Variants in GALNT17 observed in about 807,000 individuals in gnomAD.
GALNT17 encodes the protein UDP-GalNAc:polypeptide N-acetylgalactosaminyltransferase-like 3.
GALNT17 carries 29 observed loss-of-function variants against 63.7 expected under a neutral mutation model. That is an observed-to-expected ratio of 0.46 (90% CI 0.34 to 0.62). The LOEUF is 0.62. GALNT17 is among the 20% of genes least tolerant of loss of function. The pLI is 0.01. For synonymous variants in GALNT17, 305 were observed against 318.3 expected (o/e 0.96, Z 0.45); for missense variants, 603 against 799.6 (o/e 0.75, Z 2.97).
chr7:71,692,750 T>A (rs28658376), intron 9 of GALNT17, among the ~76,000 whole-genome samples: 1 of 140,464 alleles, frequency 7.1e-6, no homozygotes, highest in Non-Finnish European at 1.6e-5. Context: ...TTTTTTTTTT[T>A]ATTTTTGAGA....
rs868510331 is a variant in GALNT17, at chr7:71,288,246, G to A, written c.239-47304G>A. ...AAAAAAAAAAAAAAAAAATCCAAAC[G>A]AAGAGAAAATCCATGTGCTGTTCAT... On this transcript the variant is annotated intron_variant, in intron 1 of 10. Coordinates refer to ENST00000333538, the MANE Select transcript of GALNT17 (RefSeq NM_022479.3). 1.0e-3 allele frequency among the ~76,000 whole-genome samples: 150 copies of A among 143,902 alleles called. 1 individual carries two copies. The Middle Eastern group carries it at 0.011, about 11-fold the overall frequency. The allele number at this position is 143,902 out of a possible 152,430, so 94.4% of individuals were successfully genotyped here.
chr7:71,415,455 T>C (rs1190924255), intron 3 of GALNT17, among the ~76,000 whole-genome samples: 1 of 152,158 alleles, frequency 6.6e-6, no homozygotes, highest in Non-Finnish European at 1.5e-5. Context: ...GTAGCATTTC[T>C]ACTACTGAGC....
intron 1 of GALNT17, among the ~76,000 whole-genome samples, chr7:71,148,639 T>C (rs1269445958): frequency 6.6e-6 from 1 of 152,064 alleles, no homozygotes. Context: ...TTCAATTAAC[T>C]AGAATACTGA....
intron 1 of GALNT17, among the ~76,000 whole-genome samples, chr7:71,245,385 A>C (rs1275063287): frequency 1.3e-5 from 2 of 152,188 alleles, no homozygotes; most frequent in African/African-American, 2.4e-5. Context: ...GCTGCCTGTC[A>C]TCCACGGGTG....
chr7:71,151,540 G>A (rs1788132551), intron 1 of GALNT17, among the ~76,000 whole-genome samples: 1 of 150,778 alleles, frequency 6.6e-6, no homozygotes, highest in Non-Finnish European at 1.5e-5. Flanking sequence ...AGAATGGCGT[G>A]AACCCAGGAG....
At position 71,132,644 on chromosome 7, in the gene GALNT17, C is replaced by T. The variant is rs1787702538; in HGVS notation, c.-159C>T. 3 of 611,570 alleles carry T rather than the reference C, an allele frequency of 4.9e-6. No homozygotes were observed. The highest frequency in any genetic ancestry group is 8.4e-6 in the Non-Finnish European group (3 of 357,198). The allele number at this position is 611,570 out of a possible 1,614,324, so 37.9% of individuals were successfully genotyped here. A position where few individuals can be genotyped will look rare whatever the true frequency, so the allele number is the denominator to read the frequency against. ...CCCCACCACCAATCCGACCTCCCAG[C>T]CGTCTCCGCCGCCCGAGCATCCTTG... is the stretch of plus-strand genomic sequence containing the variant. On this transcript the variant is annotated 5_prime_UTR_variant, in exon 1 of 11. Transcript: ENST00000333538.
chr7:71,671,553 T>C (rs556937189), intron 8 of GALNT17, among the ~76,000 whole-genome samples: 18 of 152,296 alleles, frequency 1.2e-4, no homozygotes, highest in African/African-American at 4.3e-4. Context: ...CTAGGGCGGT[T>C]AGGGATACAT....
chr7:71,672,889 A>T (rs188136209), intron 8 of GALNT17, among the ~76,000 whole-genome samples: 12 of 152,358 alleles, frequency 7.9e-5, no homozygotes, highest in African/African-American at 2.6e-4. Context: ...AAAAATAAAC[A>T]AAGTACAAGG....
chr7:71,328,505 C>T (rs1051152277), intron 1 of GALNT17, among the ~76,000 whole-genome samples: 3 of 152,098 alleles, frequency 2.0e-5, no homozygotes, highest in South Asian at 4.1e-4. Flanking sequence ...CTTGGGTACA[C>T]GAAATCATCC....
chr7:71,338,413 C>A (rs1189410483), intron 2 of GALNT17, among the ~76,000 whole-genome samples: 8 of 151,056 alleles, frequency 5.3e-5, no homozygotes, highest in African/African-American at 1.7e-4. Context: ...CTATATAGTC[C>A]CAGCTACTCC....
chr7:71,132,394 C>A lies in GALNT17; in HGVS notation c.-409C>A. On this transcript the variant is annotated 5_prime_UTR_variant, in exon 1 of 11. Coordinates refer to ENST00000333538, the MANE Select transcript of GALNT17 (RefSeq NM_022479.3). ...GATCCCTGAGTCCGGCACCTGTGCG[C>A]CGCTCCCTCTGTGCCTCCCGGGCAG... 6.5e-6 allele frequency: 1 copy of A among 154,960 alleles called. No individual in the cohort carries two copies. 9.6% of individuals were successfully genotyped at this position (154,960 alleles called of 1,614,324 possible). A position where few individuals can be genotyped will look rare whatever the true frequency, so the allele number is the denominator to read the frequency against.
chr7:71,149,359 A>G (rs1430715961), intron 1 of GALNT17, among the ~76,000 whole-genome samples: 1 of 152,226 alleles, frequency 6.6e-6, no homozygotes, highest in Non-Finnish European at 1.5e-5. Flanking sequence ...CAAATTGTCC[A>G]GAGGCACCTA....
intron 1 of GALNT17, among the ~76,000 whole-genome samples, chr7:71,305,423 C>T (rs946785626): frequency 6.6e-6 from 1 of 152,154 alleles, no homozygotes; most frequent in Non-Finnish European, 1.5e-5. Context: ...TTCAACTAAC[C>T]CACGGCAAGG....
intron 1 of GALNT17, among the ~76,000 whole-genome samples, chr7:71,230,067 T>C (rs903326644): frequency 2.0e-5 from 3 of 151,980 alleles, no homozygotes; most frequent in African/African-American, 4.8e-5. Flanking sequence ...CCAGTGAGTA[T>C]AGGGGTGAGA....
intron 3 of GALNT17, among the ~76,000 whole-genome samples, chr7:71,409,611 G>A (rs1292900706): frequency 1.3e-5 from 2 of 152,150 alleles, no homozygotes; most frequent in South Asian, 2.1e-4. Context: ...TGGACTGGGT[G>A]GCCACTTCCC....
At chr7:71,350,175 A>G (rs1001250182) in intron 2 of GALNT17, among the ~76,000 whole-genome samples, 3 of 152,244 alleles carry the variant, frequency 2.0e-5, no homozygotes, top group African/African-American at 7.2e-5. Flanking sequence ...GATTTCAACA[A>G]ATGTTTTCTA....
intron 1 of GALNT17, among the ~76,000 whole-genome samples, chr7:71,275,796 G>A (rs975180509): frequency 1.2e-4 from 18 of 152,148 alleles, no homozygotes; most frequent in Admixed American, 7.9e-4. Context: ...CAACTGCCTG[G>A]TTCTCTTACT....
At chr7:71,566,682 T>C (rs1007205201) in intron 5 of GALNT17, among the ~76,000 whole-genome samples, 124 of 146,838 alleles carry the variant, frequency 8.4e-4, no homozygotes, top group Admixed American at 3.4e-3. Flanking sequence ...TTTTTTTTTT[T>C]CCTGCTCTGG....
intron 2 of GALNT17, among the ~76,000 whole-genome samples, chr7:71,351,883 T>C (rs1411628002): frequency 6.6e-6 from 1 of 152,144 alleles, no homozygotes; most frequent in Non-Finnish European, 1.5e-5. Flanking sequence ...GGTATGTTTT[T>C]AGAAGGTCAT....
Sources: gnomAD v4.1 joint callset for allele counts (sites outside exome capture counted in the v4.1 genomes callset) on GRCh38, gnomAD v4.1.1 for gene constraint, MANE v1.5 for transcripts, NCBI Gene and HGNC (gene_info 2026-07-23, HGNC 2026-07-21) for gene names.